Variants in DPP10 observed in about 807,000 individuals in gnomAD.
DPP10 encodes the protein inactive dipeptidyl peptidase 10.
In DPP10, 33 loss-of-function variants were observed where a neutral mutation model predicts 120.9. That is an observed-to-expected ratio of 0.27 (90% CI 0.21 to 0.37). The LOEUF (loss-of-function observed/expected upper bound fraction) is 0.37, where lower values mean the gene tolerates loss of function less well. Among genes scored for constraint, DPP10 ranks in the 10% least tolerant of loss-of-function variants. The probability of loss-of-function intolerance (pLI) is 1.00; values close to 1 mark genes in which losing one functional copy is unlikely to be tolerated. For missense variants in DPP10, 816 were observed against 942.8 expected (o/e 0.87, Z 1.76); for synonymous variants, 337 against 326.1 (o/e 1.03, Z -0.36).
At chr2:115,303,994 T>C (rs1198932411) in intron 1 of DPP10, among the ~76,000 whole-genome samples, 1 of 151,982 alleles carries the variant, frequency 6.6e-6, no homozygotes, top group Non-Finnish European at 1.5e-5. Flanking sequence ...CATGAGACAA[T>C]ATAGAAACTC....
chr2:115,027,145 A>G (rs1444030044), intron 1 of DPP10, among the ~76,000 whole-genome samples: 1 of 152,150 alleles, frequency 6.6e-6, no homozygotes, highest in Non-Finnish European at 1.5e-5. Context: ...TGGCGTATAG[A>G]AATGCTACAT....
At chr2:115,001,895 T>A (rs1244263375) in intron 1 of DPP10, among the ~76,000 whole-genome samples, 1 of 152,048 alleles carries the variant, frequency 6.6e-6, no homozygotes, top group Non-Finnish European at 1.5e-5. Context: ...CACAGACAAA[T>A]GGAAAAACAT....
At chr2:115,354,587 C>T (rs866062151) in intron 3 of DPP10, among the ~76,000 whole-genome samples, 5 of 148,006 alleles carry the variant, frequency 3.4e-5, no homozygotes, top group Admixed American at 6.8e-5. Flanking sequence ...TTCTTTATTT[C>T]TTTTTTTTTT....
intron 1 of DPP10, among the ~76,000 whole-genome samples, chr2:115,302,809 C>CTT (rs2061199986): frequency 6.6e-6 from 1 of 151,836 alleles, no homozygotes; most frequent in Admixed American, 6.6e-5. Context: ...AAATGTGTAA[C>CTT]TTGTAATAAG....
chr2:115,317,162 T>C (rs542221541), intron 2 of DPP10, among the ~76,000 whole-genome samples: 66 of 152,158 alleles, frequency 4.3e-4, no homozygotes, highest in African/African-American at 1.5e-3. Flanking sequence ...ATTAAGCAGT[T>C]GCTCCTCATA....
At chr2:115,439,396 A>C (rs1558661111) in intron 3 of DPP10, among the ~76,000 whole-genome samples, 1 of 152,214 alleles carries the variant, frequency 6.6e-6, no homozygotes, top group Non-Finnish European at 1.5e-5. Flanking sequence ...CATAACAGTG[A>C]TGATGTTTGC....
At chr2:115,317,040 G>C (rs993765218) in intron 2 of DPP10, among the ~76,000 whole-genome samples, 6 of 152,184 alleles carry the variant, frequency 3.9e-5, no homozygotes. Context: ...GCTGTAGTGA[G>C]CCATGATCAT....
chr2:114,711,323 CAGA>C (rs1392005982), intron 1 of DPP10, among the ~76,000 whole-genome samples: 1 of 152,152 alleles, frequency 6.6e-6, no homozygotes, highest in Non-Finnish European at 1.5e-5. Flanking sequence ...ATTTTTATCT[CAGA>C]AGAAGATTTA....
intron 1 of DPP10, among the ~76,000 whole-genome samples, chr2:114,823,342 C>A (rs1232600832): frequency 6.6e-6 from 1 of 151,930 alleles, no homozygotes; most frequent in Admixed American, 6.6e-5. Context: ...GAGAACCACC[C>A]CCATAATCTA....
At chr2:114,801,484 C>T (rs1684245927) in intron 1 of DPP10, among the ~76,000 whole-genome samples, 2 of 152,008 alleles carry the variant, frequency 1.3e-5, no homozygotes, top group African/African-American at 4.8e-5. Flanking sequence ...GAGTCTGGCT[C>T]TATAAAACTA....
chr2:114,865,990 T>C (rs542837723), intron 1 of DPP10, among the ~76,000 whole-genome samples: 49 of 152,076 alleles, frequency 3.2e-4, no homozygotes, highest in African/African-American at 8.9e-4. Flanking sequence ...TGCATGCCTA[T>C]AAACCCAGCT....
chr2:114,748,550 C>G (rs1485453909), intron 1 of DPP10, among the ~76,000 whole-genome samples: 2 of 91,584 alleles, frequency 2.2e-5, no homozygotes, highest in African/African-American at 8.8e-5. Context: ...CTATCCCTCC[C>G]CCCTCCCCCG....
intron 1 of DPP10, among the ~76,000 whole-genome samples, chr2:115,031,837 C>T (rs1703862380): frequency 6.6e-6 from 1 of 152,058 alleles, no homozygotes; most frequent in South Asian, 2.1e-4. Context: ...ATGTGTTCTG[C>T]TTTTGTATAG....
intron 3 of DPP10, among the ~76,000 whole-genome samples, chr2:115,489,339 C>T (rs920793484): frequency 1.3e-5 from 2 of 151,650 alleles, no homozygotes; most frequent in Non-Finnish European, 2.9e-5. Context: ...CCTAAGGCCC[C>T]CAACAGACCA....
chr2:115,395,035 G>A (rs578039332), intron 3 of DPP10, among the ~76,000 whole-genome samples: 3 of 152,176 alleles, frequency 2.0e-5, no homozygotes, highest in South Asian at 2.1e-4. Context: ...CTGTTTTCAC[G>A]TACTACACTC....
At chr2:115,315,866 T>A (rs552522456) in intron 2 of DPP10, among the ~76,000 whole-genome samples, 14 of 152,310 alleles carry the variant, frequency 9.2e-5, no homozygotes, top group East Asian at 3.9e-4. Context: ...GTTGCTTTTT[T>A]AAATAGATTT....
chr2:114,600,994 G>A (rs1159718415), intron 1 of DPP10, among the ~76,000 whole-genome samples: 1 of 151,794 alleles, frequency 6.6e-6, no homozygotes, highest in African/African-American at 2.4e-5. Context: ...AAGGTGAGAT[G>A]CTTTTCTATT....
At chr2:115,663,625 T>A (rs950365019) in intron 5 of DPP10, among the ~76,000 whole-genome samples, 1 of 152,188 alleles carries the variant, frequency 6.6e-6, no homozygotes, top group African/African-American at 2.4e-5. Context: ...TTCGGCCACC[T>A]CTTATTCTCT....
intron 1 of DPP10, among the ~76,000 whole-genome samples, chr2:114,782,108 C>G (rs319845): frequency 0.48 from 73,487 of 151,750 alleles, 18,847 homozygotes; most frequent in African/African-American, 0.64. Flanking sequence ...CTTTTGAAGC[C>G]AGCCTCAACC....
Sources: allele counts gnomAD v4.1 joint callset (sites outside exome capture counted in the v4.1 genomes callset), GRCh38; gene constraint gnomAD v4.1.1; transcripts MANE v1.5; gene names NCBI Gene and HGNC (gene_info 2026-07-23, HGNC 2026-07-21).